DHX37: variants seen among roughly 807,000 people sequenced by gnomAD.
DHX37 encodes DEAH-box helicase 37, also known as probable ATP-dependent RNA helicase DHX37.
Under a neutral mutation model 134.3 loss-of-function variants are expected in DHX37, and 52 were observed. That is an observed-to-expected ratio of 0.39 (90% CI 0.31 to 0.49). The LOEUF (loss-of-function observed/expected upper bound fraction) is 0.49, where lower values mean the gene tolerates loss of function less well. Among genes scored for constraint, DHX37 ranks in the 20% least tolerant of loss-of-function variants. The pLI is 0.93. For synonymous variants in DHX37, 634 were observed against 670.7 expected (o/e 0.95, Z 0.85); for missense variants, 1,344 against 1,580.8 (o/e 0.85, Z 2.54).
intron 15 of DHX37, 43 bp from the exon 16 acceptor site, chr12:124,960,466 C>A: frequency 6.3e-7 from 1 of 1,599,478 alleles, no homozygotes; most frequent in Non-Finnish European, 8.6e-7. Context: ...AAACTCACAC[C>A]AAAAACCACA....
chr12:124,950,661 G>A (rs781058615), intron 22 of DHX37, 29 bp downstream of exon 22: 6 of 1,609,436 alleles, frequency 3.7e-6, no homozygotes, highest in Admixed American at 3.4e-5. Flanking sequence ...ACCATCGGGG[G>A]ACAAGGGGCT....
At position 124,980,666 on chromosome 12, in the gene DHX37, C is replaced by T; in HGVS notation, c.562G>A (p.Ala188Thr). The change falls in exon 4 of 27, where the codon GCT becomes ACT. Residue 188 changes from alanine (A) to threonine (T), a missense_variant. Ala to Thr is a moderately conservative substitution (Grantham distance 58). Transcript: ENST00000308736. The surrounding 1 kb of genome is among the most constrained non-coding windows in gnomAD (Gnocchi z 5.3). ...ACGGTGGTCCCCACACCAGCCTCAG[C>T]CGGCTCAGCAGCTGGGTCCTCGTCC... ...ELDEDPAAEP[A>T]EAGVGTTVAP... 6.3e-7 allele frequency: 1 copy of T among 1,599,868 alleles called. No individual in the cohort carries two copies.
Position 124,965,669 on chromosome 12 carries a change from T to C in DHX37, c.1734A>G (p.Gly578=), listed in dbSNP as rs1385189467. Residue 578 remains glycine, a splice_region_variant and synonymous_variant, in exon 13 of 27, where the codon GGA becomes GGG. Transcript: ENST00000308736. ...CAGGAATCGGTGCTCGGGCCACACC[T>C]CCATCTTGCCCGCCATCCCCCAGGT... ...DLDLGDGGQD[G]GEQPDASLPL... is the part of the protein sequence containing the mutation. 3 of 1,605,930 alleles carry C rather than the reference T, an allele frequency of 1.9e-6. No homozygotes were observed. Among genetic ancestry groups the C allele is most frequent in the East Asian group, 4.5e-5 (2 of 44,648 alleles).
intron 1 of DHX37, among the ~76,000 whole-genome samples, chr12:124,988,388 T>C (rs942671817): frequency 5.9e-5 from 9 of 152,194 alleles, no homozygotes; most frequent in African/African-American, 2.2e-4. Context: ...CTGCTCACTA[T>C]AGCCGCATAA....
In DHX37 at chr12:124,949,273, C is replaced by T. The variant is rs140018131; in HGVS notation, c.3290+713G>A. On this transcript the variant is annotated intron_variant, in intron 25 of 26. Transcript: ENST00000308736. This position sits in a 1 kb window ranked among gnomAD's most constrained non-coding sequence, Gnocchi z 4.0. ...GGGTGCTGTGCCCCACGCCCCATCT[C>T]GAGTCCCTGGCACCTGCCTGCACCT... 4.5e-3 allele frequency among the ~76,000 whole-genome samples: 684 copies of T among 152,310 alleles called. 7 individuals are homozygous for T. The highest frequency in any genetic ancestry group is 0.015 in the African/African-American group (638 of 41,558).
intron 1 of DHX37, among the ~76,000 whole-genome samples, chr12:124,987,715 T>A (rs1413371569): frequency 6.6e-6 from 1 of 152,196 alleles, no homozygotes; most frequent in Non-Finnish European, 1.5e-5. Flanking sequence ...AAATATCCCT[T>A]TCCAGAAATG....
chr12:124,952,553 C>T lies in DHX37; in HGVS notation c.2713G>A (p.Glu905Lys), dbSNP rs369804720. The change falls in exon 21 of 27, where the codon GAG (glutamate) becomes AAG (lysine). Residue 905 changes from glutamate to lysine, a missense_variant. Coordinates refer to ENST00000308736, the MANE Select transcript of DHX37 (RefSeq NM_032656.4). ...TTGGGATCCACGAAGAGCTCAGCCT[C>T]GGGGCACACGGCATTGACTGAGGGG... ...LTTAVNAVCP[E>K]AELFVDPKMQ... is the part of the protein sequence containing the mutation. The T allele has an allele frequency of 9.0e-5, 143 of 1,590,438 alleles. No homozygotes were observed. The South Asian group carries it at 1.0e-3, about 12-fold the overall frequency.
chr12:124,975,525 A>G lies in DHX37; in HGVS notation c.888-14T>C. Reference sequence around the variant, plus strand: ...ATGCTGTCTTCACTGGGGGAGGAAGAACATGGCCATCAACAGTGCGCGGCC... The same window carrying G: ...ATGCTGTCTTCACTGGGGGAGGAAGGACATGGCCATCAACAGTGCGCGGCC... On this transcript the variant is annotated splice_polypyrimidine_tract_variant and intron_variant, in intron 5 of 26. Transcript: ENST00000308736. 6.2e-7 allele frequency: 1 copy of G among 1,611,608 alleles called. No individual in the cohort carries two copies. Among genetic ancestry groups the G allele is most frequent in the Non-Finnish European group, 8.5e-7 (1 of 1,179,882 alleles).
rs143335115 is a variant in DHX37, at chr12:124,960,148, G to A, written c.2157+164C>T. On this transcript the variant is annotated intron_variant, in intron 16 of 26. Coordinates refer to ENST00000308736, the MANE Select transcript of DHX37 (RefSeq NM_032656.4). ...GGCGATGCAGCACTGGGGAGGCAGC[G>A]GTCACAGGAGCCCAGAAGCCCTGGG... Among the ~76,000 whole-genome samples, 743 of 152,302 alleles carry A rather than the reference G, an allele frequency of 4.9e-3. 3 individuals carry two copies. The highest frequency in any genetic ancestry group is 0.01 in the Middle Eastern group (3 of 294).
Position 124,980,317 on chromosome 12 carries a change from C to T in DHX37, c.738+173G>A, listed in dbSNP as rs529479430. Among the ~76,000 whole-genome samples, 21 of 152,374 alleles carry T rather than the reference C, an allele frequency of 1.4e-4. No individual in the cohort carries two copies. The East Asian group carries it at 2.1e-3, about 15-fold the overall frequency. ...ACCCGCCCTGCACTGTGATCCTCCT[C>T]GCGCACCAATCCCTGCCACAGCCTC... is the stretch of plus-strand genomic sequence containing the variant. On this transcript the variant is annotated intron_variant, in intron 4 of 26. Transcript: ENST00000308736. This position sits in a 1 kb window ranked among gnomAD's most constrained non-coding sequence, Gnocchi z 5.3.
rs372439830 is a variant in DHX37 at position 124,953,438 on chromosome 12, T to C, written c.2695+442A>G. On this transcript the variant is annotated intron_variant, in intron 20 of 26. Coordinates refer to ENST00000308736, the MANE Select transcript of DHX37 (RefSeq NM_032656.4). ...CTACGCATCGTCCTCTTGCCATATG[T>C]TGGAGGACATTTCCTTCCTCTCAAG... 26 of 175,870 alleles carry C rather than the reference T, an allele frequency of 1.5e-4. 1 individual carries two copies. In the South Asian group the frequency reaches 3.7e-3, roughly 25 times the overall value. 10.9% of individuals were successfully genotyped at this position (175,870 alleles called of 1,614,324 possible). A position where few individuals can be genotyped will look rare whatever the true frequency, so the allele number is the denominator to read the frequency against.
Position 124,953,978 on chromosome 12 carries a change from T to G in DHX37, c.2597A>C (p.Glu866Ala). 1.2e-6 allele frequency: 2 copies of G among 1,613,586 alleles called. No homozygotes were observed. The highest frequency in any genetic ancestry group is 2.2e-5 in the South Asian group (2 of 91,072). The change falls in exon 20 of 27, where the codon GAG becomes GCG. Residue 866 changes from glutamate to alanine, a missense_variant. Physicochemically the swap from Glu to Ala is moderately radical, Grantham distance 107. Transcript: ENST00000308736. ...AAACTGGGGTGTGCAGCTGGCATAC[T>G]CACAGGCTCCCACGGCGCCTGGGGA... ...MVLLGAVGAC[E>A]YASCTPQFCE...
At chr12:124,982,479 G>A (rs1954778290) in intron 3 of DHX37, 32 bp downstream of exon 3, 5 of 1,610,598 alleles carry the variant, frequency 3.1e-6, no homozygotes, top group Admixed American at 1.7e-5. Context: ...CCTGGAGGGA[G>A]GGCAGGGTTA....
intron 18 of DHX37, among the ~76,000 whole-genome samples, chr12:124,955,477 C>T (rs1259084920): frequency 6.6e-6 from 1 of 152,206 alleles, no homozygotes; most frequent in Non-Finnish European, 1.5e-5. Flanking sequence ...ACCATGCCCG[C>T]TTTTTGATTT....
In DHX37 at chr12:124,965,745, TC is replaced by T; in HGVS notation, c.1657del (p.Glu553ArgfsTer156). 6.2e-7 allele frequency: 1 copy of T among 1,613,844 alleles called. No homozygotes were observed. The highest frequency in any genetic ancestry group is 1.1e-5 in the South Asian group (1 of 91,024). ...CCCCTCTTCCTCATCCACTTCTGCC[TC>T]CCTGTCCTCATCGCCTTCGCCTGCC... ...LPAGEGDEDR[E>X]AEVDEEEGAL... On this transcript the variant is annotated frameshift_variant, in exon 13 of 27. Coordinates refer to ENST00000308736, the MANE Select transcript of DHX37 (RefSeq NM_032656.4). LOFTEE classifies it high-confidence loss of function.
At chr12:124,972,409 GT>G in intron 7 of DHX37, 93 bp downstream of exon 7, 1 of 1,309,288 alleles carries the variant, frequency 7.6e-7, no homozygotes, top group Non-Finnish European at 1.1e-6. Flanking sequence ...GGATCAACAG[GT>G]GGCTTGCCGG....
At chr12:124,975,294 T>C (rs924410707) in intron 6 of DHX37, 125 bp downstream of exon 6, 8 of 941,250 alleles carry the variant, frequency 8.5e-6, no homozygotes, top group East Asian at 2.4e-5. Context: ...CAGTGCTACA[T>C]GCAGAGGTGA....
At chr12:124,964,313 G>T in intron 15 of DHX37, 81 bp downstream of exon 15, 1 of 1,586,622 alleles carries the variant, frequency 6.3e-7, no homozygotes, top group South Asian at 1.1e-5. Flanking sequence ...ATGGAGGTGG[G>T]GGTCAGCATC....
In DHX37 at chr12:124,968,931, G is replaced by A; in HGVS notation, c.1229C>T (p.Thr410Met). 6.2e-7 allele frequency: 1 copy of A among 1,614,104 alleles called. No homozygotes were observed. Among genetic ancestry groups the A allele is most frequent in the Non-Finnish European group, 8.5e-7 (1 of 1,180,014 alleles). ...LPLKLLIMSATLRVEDFTQNP... is the reference protein window; with the variant it reads ...LPLKLLIMSAMLRVEDFTQNP... ...CTGGGTGAAGTCCTCCACCCGCAGC[G>A]TGGCCGACATGATGAGCAGCTTGAG... The change falls in exon 9 of 27, where the codon ACG becomes ATG. Residue 410 changes from threonine (T) to methionine (M), a missense_variant. Physicochemically the swap from Thr to Met is moderately conservative, Grantham distance 81. This residue lies in a region of DHX37 where 289 missense variants were observed against 323.8 expected (regional missense o/e 0.89). Coordinates refer to ENST00000308736, the MANE Select transcript of DHX37 (RefSeq NM_032656.4).
Sources: allele counts gnomAD v4.1 joint callset (sites outside exome capture counted in the v4.1 genomes callset), GRCh38; gene constraint gnomAD v4.1.1; regional missense constraint gnomAD v4.1.1; non-coding constraint Gnocchi (gnomAD v3.1); transcripts MANE v1.5; gene names NCBI Gene and HGNC (gene_info 2026-07-23, HGNC 2026-07-21).